The following HEATR6 variants were observed in gnomAD, a reference collection of about 807,000 sequenced individuals.
The protein encoded by HEATR6 is HEAT repeat-containing protein 6.
Under a neutral mutation model 132.8 loss-of-function variants are expected in HEATR6, and 106 were observed. The ratio of observed to expected loss-of-function variants is 0.80; its 90% CI spans 0.68 to 0.94. The LOEUF is 0.94. Among genes scored for constraint, HEATR6 ranks in the 40% least tolerant of loss-of-function variants. HEATR6 has a pLI of 0.00. For synonymous variants in HEATR6, 529 were observed against 537.8 expected, an observed-to-expected ratio of 0.98 and a Z score of 0.23; for missense variants, 1,339 against 1,425.1, an observed-to-expected ratio of 0.94 and a Z score of 0.97.
Position 60,056,225 on chromosome 17 carries a change from GA to G in HEATR6, c.2091del (p.Leu698TrpfsTer8). On this transcript the variant is annotated frameshift_variant, in exon 13 of 20. Transcript: ENST00000184956. ...MRLEALQVLT[L>X]LARGYFSMTQ... ...GTCATTGAAAAGTAGCCCCTTGCCA[GA>G]AGAGTCAATACCTGCAAAGAGAGCA... 1 of 1,613,784 alleles carries G rather than the reference GA, an allele frequency of 6.2e-7. No homozygotes were observed. Among genetic ancestry groups the G allele is most frequent in the South Asian group, 1.1e-5 (1 of 91,042 alleles).
intron 2 of HEATR6, among the ~76,000 whole-genome samples, chr17:60,074,583 T>C (rs921751982): frequency 1.3e-5 from 2 of 152,230 alleles, no homozygotes; most frequent in Non-Finnish European, 2.9e-5. Context: ...GCAGACACTG[T>C]TGGTTACCTA....
chr17:60,067,112 T>C (rs2083245136), intron 8 of HEATR6, among the ~76,000 whole-genome samples: 1 of 150,444 alleles, frequency 6.6e-6, no homozygotes, highest in Non-Finnish European at 1.5e-5. Flanking sequence ...CTACTAAAAA[T>C]ACAAAAAATT....
intron 5 of HEATR6, among the ~76,000 whole-genome samples, chr17:60,071,452 A>G (rs1333371405): frequency 6.6e-6 from 1 of 152,238 alleles, no homozygotes; most frequent in Admixed American, 6.5e-5. Flanking sequence ...CAATAACAGT[A>G]GGCCCTTTGA....
At position 60,057,109 on chromosome 17, in the gene HEATR6, T is replaced by A. The variant is rs575886080; in HGVS notation, c.2018A>T (p.Asp673Val). 6.2e-7 allele frequency: 1 copy of A among 1,614,086 alleles called. No homozygotes were observed. Among genetic ancestry groups the A allele is most frequent in the African/African-American group, 1.3e-5 (1 of 75,054 alleles). ...GGTGCTTCCTGCTGCAGAGCCAGCA[T>A]CGCTACCTGAACAGGAATCCTCCTT... ...LPKEDSCSGS[D>V]AGSAAGSTYE... Residue 673 changes from aspartate to valine, a missense_variant, in exon 12 of 20, where the codon GAT (aspartate) becomes GTT (valine). Transcript: ENST00000184956.
At chr17:60,077,294 A>G (rs1405854183) in intron 1 of HEATR6, among the ~76,000 whole-genome samples, 1 of 152,190 alleles carries the variant, frequency 6.6e-6, no homozygotes, top group Non-Finnish European at 1.5e-5. Flanking sequence ...ATCAAAAAAC[A>G]CTGCAAGCAA....
chr17:60,070,683 G>A (rs1184788842), intron 6 of HEATR6, 23 bp downstream of exon 6: 7 of 1,328,282 alleles, frequency 5.3e-6, no homozygotes, highest in Non-Finnish European at 7.6e-6. Flanking sequence ...GAAAGACAAT[G>A]ATCATATGAA....
Position 60,043,554 on chromosome 17 carries a change from G to A in HEATR6, c.*9C>T, listed in dbSNP as rs1906254284. On this transcript the variant is annotated 3_prime_UTR_variant, in exon 20 of 20. Transcript: ENST00000184956. ...CCGCCTTCGACATCTAGAAAGTATG[G>A]TGGGATCTTCACTGATTTGTTAACC... 1 of 1,599,060 alleles carries A rather than the reference G, an allele frequency of 6.3e-7. No individual in the cohort carries two copies. Among genetic ancestry groups the A allele is most frequent in the African/African-American group, 1.3e-5 (1 of 74,580 alleles).
At position 60,050,203 on chromosome 17, in the gene HEATR6, GC is replaced by G. The variant is rs566411552; in HGVS notation, c.2425-502del. On this transcript the variant is annotated intron_variant, in intron 15 of 19. Transcript: ENST00000184956. ...TGATTGAGGCCCCAGAAAGCTGCCT[GC>G]CCCTTCCACCACCTGAGGACACAGC... Among the ~76,000 whole-genome samples the G allele has an allele frequency of 4.1e-4, 62 of 152,208 alleles. 1 individual carries two copies. The East Asian group carries it at 0.01, about 26-fold the overall frequency.
At position 60,078,899 on chromosome 17, in the gene HEATR6, C is replaced by T; in HGVS notation, c.16G>A (p.Val6Ile). Residue 6 changes from valine (V) to isoleucine (I), a missense_variant, in exon 1 of 20, where the codon GTT becomes ATT. Physicochemically the swap from Val to Ile is conservative, Grantham distance 29. Coordinates refer to ENST00000184956, the MANE Select transcript of HEATR6 (RefSeq NM_022070.5). The part of the protein sequence containing the change: MAAVQ[V>I]VGSWPSVQPR... ...TGCACGGAAGGCCACGAACCGACAA[C>T]TTGCACAGCAGCCATCTTTTCTACG... The T allele has an allele frequency of 3.2e-6, 5 of 1,549,588 alleles. No homozygotes were observed. In the South Asian group the frequency reaches 5.7e-5, roughly 18 times the overall value.
At chr17:60,056,008 T>C in intron 13 of HEATR6, 107 bp downstream of exon 13, 1 of 1,251,366 alleles carries the variant, frequency 8.0e-7, no homozygotes, top group Non-Finnish European at 1.1e-6. Context: ...TTGAAGGACA[T>C]GTGGCAGAAG....
chr17:60,048,560 C>A (rs1304789364), intron 16 of HEATR6, among the ~76,000 whole-genome samples, 172 bp from the exon 17 acceptor site: 5 of 152,070 alleles, frequency 3.3e-5, no homozygotes, highest in Non-Finnish European at 7.4e-5. Context: ...TTTGGACACT[C>A]AAAAAAATCC....
rs75349189 is a variant in HEATR6, at chr17:60,073,490, T to C, written c.469-211A>G. On this transcript the variant is annotated intron_variant, in intron 3 of 19. Transcript: ENST00000184956. ...CCAGCCTAGGTAGCTGCTGATGCTC[T>C]TTAGTGTGGCCGTATGGCTGATGGG... Among the ~76,000 whole-genome samples the C allele has an allele frequency of 8.7e-3, 1,318 of 152,322 alleles. 9 individuals are homozygous for C. The highest frequency in any genetic ancestry group is 0.025 in the African/African-American group (1,049 of 41,566).
chr17:60,048,983 A>AATATATATAT lies in HEATR6; in HGVS notation c.2547+587_2547+596dup, dbSNP rs35114523. The stretch of plus-strand genomic sequence containing the variant: ...TTAAAAATAAATAACATATATATAT[A>AATATATATAT]ATATATATATATATATATATATATA... On this transcript the variant is annotated intron_variant, in intron 16 of 19. Coordinates refer to ENST00000184956, the MANE Select transcript of HEATR6 (RefSeq NM_022070.5). Among the ~76,000 whole-genome samples, 300 of 69,462 alleles carry AATATATATAT rather than the reference A, an allele frequency of 4.3e-3. 1 individual carries two copies. The highest frequency in any genetic ancestry group is 7.0e-3 in the East Asian group (17 of 2,422). 45.6% of individuals were successfully genotyped at this position (69,462 alleles called of 152,430 possible). A position where few individuals can be genotyped will look rare whatever the true frequency, so the allele number is the denominator to read the frequency against.
chr17:60,050,258 G>A (rs1267646190), intron 15 of HEATR6, among the ~76,000 whole-genome samples: 9 of 152,102 alleles, frequency 5.9e-5, no homozygotes, highest in African/African-American at 2.2e-4. Context: ...GAGCCAGAGA[G>A]CGAACCCTCC....
intron 9 of HEATR6, among the ~76,000 whole-genome samples, chr17:60,062,670 C>A (rs1287754240): frequency 1.3e-5 from 2 of 152,162 alleles, no homozygotes; most frequent in Non-Finnish European, 2.9e-5. Context: ...CTTCCAAAGT[C>A]AGTTGTCTTT....
At chr17:60,047,177 T>A in intron 18 of HEATR6, 132 bp downstream of exon 18, 1 of 565,412 alleles carries the variant, frequency 1.8e-6, no homozygotes, top group Non-Finnish European at 3.2e-6. Flanking sequence ...GAGCACACCC[T>A]CAGTCTCTTT....
At chr17:60,050,526 G>C (rs918599380) in intron 15 of HEATR6, among the ~76,000 whole-genome samples, 8 of 152,092 alleles carry the variant, frequency 5.3e-5, no homozygotes, top group Non-Finnish European at 1.0e-4. Context: ...CTAGCAAGTC[G>C]AAGAGCTGGG....
At chr17:60,061,198 C>T (rs137973878) in intron 9 of HEATR6, among the ~76,000 whole-genome samples, 2 of 152,296 alleles carry the variant, frequency 1.3e-5, no homozygotes, top group African/African-American at 2.4e-5. Context: ...CAATATGAAG[C>T]ATATCTGAGT....
At position 60,041,958 on chromosome 17, in the gene HEATR6, A is replaced by AATTCC. The variant is rs1598900983; in HGVS notation, c.*1600_*1604dup. Among the ~76,000 whole-genome samples, 2 of 152,348 alleles carry AATTCC rather than the reference A, an allele frequency of 1.3e-5. No homozygotes were observed. The highest frequency in any genetic ancestry group is 3.8e-4 in the East Asian group (2 of 5,196). ...TATCCCTAAATTCCTAATTGAAATC[A>AATTCC]ATTCCAATAAATCGTTGGTGCTCAG... On this transcript the variant is annotated 3_prime_UTR_variant, in exon 20 of 20. Coordinates refer to ENST00000184956, the MANE Select transcript of HEATR6 (RefSeq NM_022070.5).
Sources: gnomAD v4.1 joint callset for allele counts (sites outside exome capture counted in the v4.1 genomes callset) on GRCh38, gnomAD v4.1.1 for gene constraint, MANE v1.5 for transcripts, NCBI Gene and HGNC (gene_info 2026-07-23, HGNC 2026-07-21) for gene names.